HNF1B: variants seen among roughly 807,000 people sequenced by gnomAD.
HNF1B encodes HNF1 homeobox B.
Under a neutral mutation model 61.7 loss-of-function variants are expected in HNF1B, and 8 were observed. The observed-to-expected ratio is 0.13, with a 90% confidence interval of 0.08 to 0.23. The LOEUF is 0.23. HNF1B is among the 10% of genes least tolerant of loss of function. The pLI is 1.00. For missense variants in HNF1B, 562 were observed against 714.5 expected, an observed-to-expected ratio of 0.79 and a Z score of 2.43; for synonymous variants, 314 against 287.7, an observed-to-expected ratio of 1.09 and a Z score of -0.93.
At chr17:37,716,797 T>C (rs1352734586) in intron 4 of HNF1B, among the ~76,000 whole-genome samples, 1 of 151,648 alleles carries the variant, frequency 6.6e-6, no homozygotes, top group Non-Finnish European at 1.5e-5. Flanking sequence ...TGGAATTCCA[T>C]GATTCCAGAG....
chr17:37,702,598 G>C (rs907970727), intron 6 of HNF1B, among the ~76,000 whole-genome samples: 1 of 152,192 alleles, frequency 6.6e-6, no homozygotes, highest in Non-Finnish European at 1.5e-5. Context: ...TGCCGTTTTT[G>C]AGAAATCTTT....
intron 8 of HNF1B, among the ~76,000 whole-genome samples, chr17:37,698,375 C>T (rs1330456556): frequency 1.3e-5 from 2 of 152,106 alleles, no homozygotes; most frequent in East Asian, 3.9e-4. Flanking sequence ...CAATGAGCCT[C>T]GCCATCAGCT....
chr17:37,704,797 C>A, intron 6 of HNF1B, 120 bp downstream of exon 6: 2 of 1,151,110 alleles, frequency 1.7e-6, no homozygotes, highest in East Asian at 2.3e-5. Context: ...AGAAGTTAAA[C>A]CAAATCTACT....
intron 3 of HNF1B, among the ~76,000 whole-genome samples, chr17:37,732,100 G>C (rs1216157345): frequency 1.3e-5 from 2 of 152,142 alleles, no homozygotes; most frequent in African/African-American, 4.8e-5. Flanking sequence ...TGGCTCTCGA[G>C]GAGAAGAGAG....
intron 4 of HNF1B, among the ~76,000 whole-genome samples, chr17:37,728,452 A>T (rs749727046): frequency 1.1e-4 from 16 of 151,414 alleles, no homozygotes; most frequent in Non-Finnish European, 2.2e-4. Flanking sequence ...GACTACAGGC[A>T]CCCGCCACCA....
At chr17:37,700,314 G>A (rs977462821) in intron 7 of HNF1B, among the ~76,000 whole-genome samples, 3 of 152,226 alleles carry the variant, frequency 2.0e-5, no homozygotes, top group Non-Finnish European at 2.9e-5. Flanking sequence ...GGATGGGATT[G>A]GATGGGAAAT....
rs2033754353 is a variant in HNF1B at position 37,733,698 on chromosome 17, C to A, written c.668G>T (p.Cys223Phe). 6.2e-7 allele frequency: 1 copy of A among 1,614,166 alleles called. No homozygotes were observed. The highest frequency in any genetic ancestry group is 8.5e-7 in the Non-Finnish European group (1 of 1,180,034). Residue 223 changes from cysteine to phenylalanine, a missense_variant, in exon 3 of 9, where the codon TGC becomes TTC. Cys to Phe is a radical substitution (Grantham distance 205). Coordinates refer to ENST00000617811, the MANE Select transcript of HNF1B (RefSeq NM_000458.4). ...SHGPGQSDDA[C>F]SEPTNKKMRR... ...CATCTTCTTGTTGGTGGGCTCAGAG[C>A]AGGCATCATCGGACTGCCCAGGCCC...
chr17:37,740,186 C>A (rs2033953482), intron 1 of HNF1B, among the ~76,000 whole-genome samples: 1 of 152,128 alleles, frequency 6.6e-6, no homozygotes, highest in African/African-American at 2.4e-5. Context: ...CCAGGCTGGG[C>A]TCACACTCCT....
chr17:37,702,593 T>C (rs527445739), intron 6 of HNF1B, among the ~76,000 whole-genome samples: 79 of 152,298 alleles, frequency 5.2e-4, no homozygotes, highest in African/African-American at 1.8e-3. Context: ...GAATGTGCCG[T>C]TTTTGAGAAA....
chr17:37,736,331 G>A (rs904287173), intron 2 of HNF1B, among the ~76,000 whole-genome samples: 1 of 152,170 alleles, frequency 6.6e-6, no homozygotes, highest in African/African-American at 2.4e-5. Flanking sequence ...ACACAATAAC[G>A]GTTCACATTT....
At position 37,702,230 on chromosome 17, in the gene HNF1B, G is replaced by A. The variant is rs1028800274; in HGVS notation, c.1340-1053C>T. Reference sequence around the variant, plus strand: ...GGATGTGGAAGGGACACCTAGAGAGGCTTTCCTGAAATGGAGACGGTTTCA... The same window carrying A: ...GGATGTGGAAGGGACACCTAGAGAGACTTTCCTGAAATGGAGACGGTTTCA... On this transcript the variant is annotated intron_variant, in intron 6 of 8. Transcript: ENST00000617811. Among the ~76,000 whole-genome samples the A allele has an allele frequency of 3.3e-5, 5 of 152,194 alleles. No individual in the cohort carries two copies. The South Asian group carries it at 6.2e-4, about 19-fold the overall frequency.
intron 2 of HNF1B, among the ~76,000 whole-genome samples, chr17:37,737,446 C>T (rs2033863982): frequency 6.6e-6 from 1 of 152,124 alleles, no homozygotes; most frequent in Non-Finnish European, 1.5e-5. Context: ...CATAGCTTAG[C>T]GTAGTGTTTG....
chr17:37,708,262 T>G (rs1273838527), intron 5 of HNF1B, among the ~76,000 whole-genome samples: 1 of 152,184 alleles, frequency 6.6e-6, no homozygotes, highest in Non-Finnish European at 1.5e-5. Flanking sequence ...TTTGGACCTC[T>G]GATGATAGTG....
chr17:37,730,538 T>A (rs1474891205), intron 4 of HNF1B: 2 of 152,114 alleles, frequency 1.3e-5, no homozygotes, highest in African/African-American at 4.8e-5. Flanking sequence ...CAAATGCTTG[T>A]ACACCACCCA....
At chr17:37,693,933 T>C (rs1196188892) in intron 8 of HNF1B, among the ~76,000 whole-genome samples, 1 of 152,236 alleles carries the variant, frequency 6.6e-6, no homozygotes, top group East Asian at 1.9e-4. Flanking sequence ...ATGACATGCC[T>C]ATTCCCCCTT....
chr17:37,744,413 G>A, intron 1 of HNF1B, 128 bp downstream of exon 1: 1 of 913,138 alleles, frequency 1.1e-6, no homozygotes, highest in Non-Finnish European at 1.7e-6. Context: ...GAGAAGCAGA[G>A]CGCCCCCCGG....
At chr17:37,704,383 G>A (rs1411128379) in intron 6 of HNF1B, among the ~76,000 whole-genome samples, 6 of 152,116 alleles carry the variant, frequency 3.9e-5, no homozygotes, top group African/African-American at 1.4e-4. Flanking sequence ...TCCTCCCTTG[G>A]TGTATTTTCA....
intron 4 of HNF1B, among the ~76,000 whole-genome samples, chr17:37,715,807 C>G (rs2411153): frequency 0.49 from 74,110 of 152,050 alleles, 18,664 homozygotes; most frequent in African/African-American, 0.63. Flanking sequence ...GTATAAAACT[C>G]TGGTAATCTT....
chr17:37,726,883 C>T (rs1253007067), intron 4 of HNF1B, among the ~76,000 whole-genome samples: 1 of 152,146 alleles, frequency 6.6e-6, no homozygotes, highest in African/African-American at 2.4e-5. Context: ...GAGAATAAGT[C>T]CCCCCTTCCC....
Sources: allele counts gnomAD v4.1 joint callset (sites outside exome capture counted in the v4.1 genomes callset), GRCh38; gene constraint gnomAD v4.1.1; transcripts MANE v1.5; gene names NCBI Gene and HGNC (gene_info 2026-07-23, HGNC 2026-07-21).